The following MCM3 variants were observed in gnomAD, a reference collection of about 807,000 sequenced individuals.
MCM3 encodes minichromosome maintenance complex component 3.
Under a neutral mutation model 91.3 loss-of-function variants are expected in MCM3, and 59 were observed. The observed-to-expected ratio is 0.65, with a 90% confidence interval of 0.52 to 0.80. The LOEUF (loss-of-function observed/expected upper bound fraction) is 0.80. Ranked by LOEUF, MCM3 falls within the 30% of genes least tolerant of loss-of-function variation. MCM3 has a pLI of 0.00. For missense variants in MCM3, 919 were observed against 1,035.4 expected, an observed-to-expected ratio of 0.89 and a Z score of 1.54; for synonymous variants, 383 against 379.6, an observed-to-expected ratio of 1.01 and a Z score of -0.10.
chr6:52,266,156 TGATGGTTGTAGA>T lies in MCM3; in HGVS notation c.2159-24_2159-13del. The T allele has an allele frequency of 6.2e-7, 1 of 1,610,632 alleles. No homozygotes were observed. The highest frequency in any genetic ancestry group is 8.5e-7 in the Non-Finnish European group (1 of 1,176,782). ...CTTTGGAGTGTGTACTTCAGAGGGT[TGATGGTTGTAGA>T]GATGGGGAAGATAAGCAAGGTGAAG... On this transcript the variant is annotated splice_polypyrimidine_tract_variant and intron_variant, in intron 15 of 16. Coordinates refer to ENST00000596288, the MANE Select transcript of MCM3 (RefSeq NM_002388.6).
chr6:52,264,721 A>G lies in MCM3; in HGVS notation c.2294T>C (p.Met765Thr). 6.2e-7 allele frequency: 1 copy of G among 1,614,208 alleles called. No homozygotes were observed. Among genetic ancestry groups the G allele is most frequent in the Non-Finnish European group, 8.5e-7 (1 of 1,180,040 alleles). The stretch of plus-strand genomic sequence containing the variant: ...GTTGATGGATTCTGTGAGGCGATTC[A>G]TGCCGATTGACTGCGCATGAGCTTC... ...FREAHAQSIG[M>T]NRLTESINRD... Residue 765 changes from methionine (M) to threonine (T), a missense_variant, in exon 17 of 17, where the codon ATG becomes ACG. By Grantham distance (81) the Met-to-Thr change is moderately conservative (BLOSUM62 -1). Coordinates refer to ENST00000596288, the MANE Select transcript of MCM3 (RefSeq NM_002388.6).
At chr6:52,269,498 T>C (rs1764918095) in intron 12 of MCM3, among the ~76,000 whole-genome samples, 1 of 150,088 alleles carries the variant, frequency 6.7e-6, no homozygotes, top group African/African-American at 2.4e-5. Flanking sequence ...AGCTACAGCG[T>C]AGAAAAGAGA....
At chr6:52,264,846 C>T in intron 16 of MCM3, 60 bp from the exon 17 acceptor site, 1 of 1,434,752 alleles carries the variant, frequency 7.0e-7, no homozygotes, top group Non-Finnish European at 9.8e-7. Flanking sequence ...TCTCAGGAAA[C>T]AGCTATACTA....
chr6:52,282,632 G>A lies in MCM3; in HGVS notation c.400+21C>T, dbSNP rs748324202. 4.0e-5 allele frequency: 64 copies of A among 1,608,542 alleles called. No homozygotes were observed. The East Asian group carries it at 9.6e-4, about 24-fold the overall frequency. On this transcript the variant is annotated intron_variant, in intron 3 of 16. Coordinates refer to ENST00000596288, the MANE Select transcript of MCM3 (RefSeq NM_002388.6). ...CTCCCTGTCTATTCATTTCCTAAGC[G>A]GCCCCCTTTAACCCACTTACATTTA...
intron 7 of MCM3, 105 bp downstream of exon 7, chr6:52,277,430 A>T: frequency 8.0e-7 from 1 of 1,243,078 alleles, no homozygotes; most frequent in Non-Finnish European, 1.1e-6. Flanking sequence ...GTCCTTTGAT[A>T]GGACTGAAAT....
chr6:52,273,439 G>C, intron 10 of MCM3, 83 bp from the exon 11 acceptor site: 1 of 1,388,488 alleles, frequency 7.2e-7, no homozygotes, highest in Admixed American at 1.9e-5. Context: ...ACAAGAAGGG[G>C]AGACACCAAG....
rs1279056151 is a variant in MCM3 at position 52,273,259 on chromosome 6, G to A, written c.1647C>T (p.Asp549=). 1.1e-5 allele frequency: 18 copies of A among 1,614,094 alleles called. No individual in the cohort carries two copies. Among genetic ancestry groups the A allele is most frequent in the South Asian group, 2.2e-5 (2 of 91,092 alleles). Residue 549 remains aspartate (D), a synonymous_variant, in exon 11 of 17, where the codon GAC becomes GAT. Coordinates refer to ENST00000596288, the MANE Select transcript of MCM3 (RefSeq NM_002388.6). The stretch of plus-strand genomic sequence containing the variant: ...TCTTCTTGGTCCCATGTAGAAGGTT[G>A]TCATGCTTCTCATAAATCTGGGTGT... ...QQDTQIYEKH[D]NLLHGTKKKK... is the part of the protein sequence containing the mutation.
chr6:52,272,787 T>G (rs891484636), intron 11 of MCM3, among the ~76,000 whole-genome samples: 4 of 152,210 alleles, frequency 2.6e-5, no homozygotes, highest in African/African-American at 9.6e-5. Context: ...AAGATTATGC[T>G]ATGCTTCTTA....
chr6:52,269,800 C>T (rs1462932700), intron 12 of MCM3, among the ~76,000 whole-genome samples: 1 of 152,004 alleles, frequency 6.6e-6, no homozygotes, highest in Non-Finnish European at 1.5e-5. Context: ...ACTGGGATGC[C>T]TTTATCTTTT....
chr6:52,271,129 G>A (rs1158693157), intron 12 of MCM3, among the ~76,000 whole-genome samples: 1 of 152,022 alleles, frequency 6.6e-6, no homozygotes, highest in Non-Finnish European at 1.5e-5. Flanking sequence ...AGTGAGCCCA[G>A]ACCATGCCAC....
intron 14 of MCM3, 70 bp from the exon 15 acceptor site, chr6:52,266,766 T>A (rs1764675640): frequency 2.6e-6 from 3 of 1,150,080 alleles, no homozygotes; most frequent in Non-Finnish European, 4.0e-6. Flanking sequence ...CCCCATCACG[T>A]GCCTCTAACT....
intron 14 of MCM3, among the ~76,000 whole-genome samples, chr6:52,267,342 T>C (rs1332991447): frequency 2.0e-5 from 3 of 151,836 alleles, no homozygotes; most frequent in Non-Finnish European, 4.4e-5. Context: ...GTGATCCGCC[T>C]GCCTCGGCCT....
chr6:52,276,593 G>T, intron 8 of MCM3, 117 bp from the exon 9 acceptor site: 1 of 859,052 alleles, frequency 1.2e-6, no homozygotes, highest in Non-Finnish European at 1.8e-6. Context: ...TGCGGCAATG[G>T]TGTGTTGGCT....
chr6:52,273,123 T>C, intron 11 of MCM3, 107 bp downstream of exon 11: 2 of 1,331,066 alleles, frequency 1.5e-6, no homozygotes, highest in Non-Finnish European at 2.1e-6. Context: ...ACTCCAGGCA[T>C]GGCTTTGACC....
In MCM3 at chr6:52,277,605, G is replaced by A. The variant is rs1242694263; in HGVS notation, c.963C>T (p.Leu321=). The change falls in exon 7 of 17, where the codon CTC becomes CTT. Residue 321 remains leucine (L), a synonymous_variant. Transcript: ENST00000596288. The part of the protein sequence containing the change: ...DYVKKAILCL[L]LGGVERDLEN... ...CTAGGTCTCGTTCCACCCCTCCCAAGAGCAAGCAGAGGATTGCTTTCTTGA... is the reference window on the plus strand; with the variant it reads ...CTAGGTCTCGTTCCACCCCTCCCAAAAGCAAGCAGAGGATTGCTTTCTTGA... The A allele has an allele frequency of 1.9e-6, 3 of 1,614,038 alleles. No individual in the cohort carries two copies. The highest frequency in any genetic ancestry group is 2.7e-5 in the African/African-American group (2 of 74,990).
In MCM3 at chr6:52,266,162, T is replaced by C. The variant is rs1764629388; in HGVS notation, c.2159-18A>G. The C allele has an allele frequency of 3.1e-6, 5 of 1,602,440 alleles. No homozygotes were observed. The highest frequency in any genetic ancestry group is 1.1e-5 in the South Asian group (1 of 90,848). Reference sequence around the variant, plus strand: ...AGTGTGTACTTCAGAGGGTTGATGGTTGTAGAGATGGGGAAGATAAGCAAG... The same window carrying C: ...AGTGTGTACTTCAGAGGGTTGATGGCTGTAGAGATGGGGAAGATAAGCAAG... On this transcript the variant is annotated intron_variant, in intron 15 of 16. Coordinates refer to ENST00000596288, the MANE Select transcript of MCM3 (RefSeq NM_002388.6).
intron 16 of MCM3, among the ~76,000 whole-genome samples, chr6:52,265,629 T>C (rs1467741499): frequency 1.3e-5 from 2 of 152,296 alleles, no homozygotes; most frequent in South Asian, 2.1e-4. Flanking sequence ...AGAAAAAACG[T>C]AAAACTTGGC....
chr6:52,284,515 C>G, intron 1 of MCM3, 82 bp downstream of exon 1: 1 of 1,331,958 alleles, frequency 7.5e-7, no homozygotes, highest in Non-Finnish European at 1.0e-6. Context: ...GTCTGGAGGT[C>G]TGGCGGGCCT....
intron 16 of MCM3, 128 bp downstream of exon 16, chr6:52,265,947 T>C (rs6925229): frequency 0.7 from 447,703 of 641,468 alleles, 158,034 homozygotes; most frequent in East Asian, 0.84. Context: ...TGTTAAAAGC[T>C]GCAGGCCTCT....
Sources: allele counts gnomAD v4.1 joint callset (sites outside exome capture counted in the v4.1 genomes callset), GRCh38; gene constraint gnomAD v4.1.1; transcripts MANE v1.5; gene names NCBI Gene and HGNC (gene_info 2026-07-23, HGNC 2026-07-21).